PCDHGA8: variants seen among roughly 807,000 people sequenced by gnomAD.
PCDHGA8 encodes the protein protocadherin gamma-A8.
PCDHGA8 carries 45 observed loss-of-function variants against 59.2 expected under a neutral mutation model. That is an observed-to-expected ratio of 0.76 (90% CI 0.60 to 0.98). The LOEUF (loss-of-function observed/expected upper bound fraction) is 0.98. PCDHGA8 is among the 50% of genes least tolerant of loss of function. The probability of loss-of-function intolerance (pLI) is 0.00; values close to 1 mark genes in which losing one functional copy is unlikely to be tolerated. For missense variants in PCDHGA8, 1,257 were observed against 1,196.2 expected (o/e 1.05, Z -0.75); for synonymous variants, 531 against 519.0 (o/e 1.02, Z -0.32).
At chr5:141,408,228 G>C (rs1233027944) in intron 1 of PCDHGA8, 2 of 1,564,122 alleles carry the variant, frequency 1.3e-6, no homozygotes, top group South Asian at 2.3e-5. Flanking sequence ...GCGCAGAGGC[G>C]CCGGGCCGGC....
chr5:141,446,920 C>T (rs2098520337), intron 1 of PCDHGA8, among the ~76,000 whole-genome samples: 1 of 152,108 alleles, frequency 6.6e-6, no homozygotes, highest in African/African-American at 2.4e-5. Flanking sequence ...TATTTATCTT[C>T]CTGATCTCTT....
chr5:141,421,348 G>C lies in PCDHGA8; in HGVS notation c.2424+26111G>C, dbSNP rs202220769. On this transcript the variant is annotated intron_variant, in intron 1 of 3. Coordinates refer to ENST00000398604, the MANE Select transcript of PCDHGA8 (RefSeq NM_032088.2). ...CCGATATTCGGTGCCAGAAGAGACC[G>C]AAAAGGGCTCCTTCGTGGGCAATAT... 9.1e-5 allele frequency: 147 copies of C among 1,613,862 alleles called. No individual in the cohort carries two copies. Among genetic ancestry groups the C allele is most frequent in the Non-Finnish European group, 1.1e-4 (125 of 1,179,904 alleles).
At position 141,486,478 on chromosome 5, in the gene PCDHGA8, C is replaced by T; in HGVS notation, c.2425-8329C>T. The T allele has an allele frequency of 2.5e-6, 4 of 1,614,026 alleles. No homozygotes were observed. The highest frequency in any genetic ancestry group is 3.4e-6 in the Non-Finnish European group (4 of 1,179,854). On this transcript the variant is annotated intron_variant, in intron 1 of 3. Transcript: ENST00000398604. The surrounding 1 kb of genome is among the most constrained non-coding windows in gnomAD (Gnocchi z 5.0). ...CTTCTGATGCTGGGAACCCTCCTCT[C>T]AGTACCCACAGAACTATTTTCCTCA...
intron 1 of PCDHGA8, chr5:141,441,872 G>T: frequency 2.9e-6 from 1 of 341,646 alleles, no homozygotes. Flanking sequence ...GCGGAGCCTG[G>T]CTACCTGGTC....
At chr5:141,414,198 A>G (rs1561747621) in intron 1 of PCDHGA8, 2 of 1,611,542 alleles carry the variant, frequency 1.2e-6, no homozygotes, top group Non-Finnish European at 1.7e-6. Flanking sequence ...TGATTACAGT[A>G]GAAGATGTAA....
At chr5:141,507,797 C>T (rs933921827) in intron 3 of PCDHGA8, among the ~76,000 whole-genome samples, 3 of 152,240 alleles carry the variant, frequency 2.0e-5, no homozygotes, top group Non-Finnish European at 2.9e-5. Flanking sequence ...TCTAAGCCTG[C>T]GCCCTGGGGA....
At chr5:141,414,622 C>T in intron 1 of PCDHGA8, 1 of 1,613,956 alleles carries the variant, frequency 6.2e-7, no homozygotes. Context: ...AGCGCTGGAC[C>T]CGGACAGCAA....
At chr5:141,478,428 C>G in intron 1 of PCDHGA8, 1 of 1,613,746 alleles carries the variant, frequency 6.2e-7, no homozygotes. Flanking sequence ...CGCAGCGACC[C>G]GCTGCTGAAG....
Position 141,431,352 on chromosome 5 carries a change from G to C in PCDHGA8, c.2424+36115G>C. Reference sequence around the variant, plus strand: ...AAGTACCCCGAATTGGTGCTGAAACGCGCCCTGGACCGCGAAGAAAAGGCT... The same window carrying C: ...AAGTACCCCGAATTGGTGCTGAAACCCGCCCTGGACCGCGAAGAAAAGGCT... On this transcript the variant is annotated intron_variant, in intron 1 of 3. Coordinates refer to ENST00000398604, the MANE Select transcript of PCDHGA8 (RefSeq NM_032088.2). This position sits in a 1 kb window ranked among gnomAD's most constrained non-coding sequence, Gnocchi z 4.8. The C allele has an allele frequency of 6.2e-7, 1 of 1,614,044 alleles. No individual in the cohort carries two copies. The highest frequency in any genetic ancestry group is 8.5e-7 in the Non-Finnish European group (1 of 1,180,032).
chr5:141,409,014 AG>A, intron 1 of PCDHGA8: 1 of 1,614,014 alleles, frequency 6.2e-7, no homozygotes, highest in Non-Finnish European at 8.5e-7. Context: ...GACCAGGATG[AG>A]GGGGTCAATG....
At chr5:141,409,067 A>G (rs2095219315) in intron 1 of PCDHGA8, 2 of 1,614,034 alleles carry the variant, frequency 1.2e-6, no homozygotes, top group South Asian at 2.2e-5. Context: ...CCAGAGCACA[A>G]AACATATGTT....
chr5:141,406,096 G>A (rs966441415), intron 1 of PCDHGA8, among the ~76,000 whole-genome samples: 1 of 150,800 alleles, frequency 6.6e-6, no homozygotes, highest in Non-Finnish European at 1.5e-5. Context: ...TTAAGAGATG[G>A]GGGTGTCATT....
chr5:141,408,290 A>T (rs767669019), intron 1 of PCDHGA8: 80 of 1,613,008 alleles, frequency 5.0e-5, no homozygotes, highest in Non-Finnish European at 6.1e-5. Context: ...CCCCACCCTG[A>T]GTGAGCCGAT....
intron 1 of PCDHGA8, among the ~76,000 whole-genome samples, chr5:141,484,288 C>T (rs1300726429): frequency 6.6e-6 from 1 of 152,176 alleles, no homozygotes; most frequent in African/African-American, 2.4e-5. Context: ...AAACATCTCC[C>T]TCTCCTGGCT....
At position 141,414,686 on chromosome 5, in the gene PCDHGA8, C is replaced by A. The variant is rs201724090; in HGVS notation, c.2424+19449C>A. On this transcript the variant is annotated intron_variant, in intron 1 of 3. Coordinates refer to ENST00000398604, the MANE Select transcript of PCDHGA8 (RefSeq NM_032088.2). ...GCTGAAGACACCATCCAGGGGGTAC[C>A]TCTGTCCTCATACATATCCATCAAC... 57 of 1,613,924 alleles carry A rather than the reference C, an allele frequency of 3.5e-5. No homozygotes were observed. The highest frequency in any genetic ancestry group is 1.6e-4 in the Middle Eastern group (1 of 6,084).
chr5:141,414,958 G>T, intron 1 of PCDHGA8: 2 of 1,614,024 alleles, frequency 1.2e-6, no homozygotes, highest in East Asian at 2.2e-5. Context: ...GGTGACCAAG[G>T]TGGTGGCGGT....
intron 1 of PCDHGA8, chr5:141,419,411 C>A (rs757881409): frequency 1.9e-6 from 3 of 1,613,462 alleles, no homozygotes; most frequent in Non-Finnish European, 2.5e-6. Context: ...GTTCGCGCAG[C>A]GCGCCTTCGA....
intron 1 of PCDHGA8, chr5:141,426,302 A>G (rs1590676929): frequency 1.2e-5 from 2 of 172,322 alleles, no homozygotes; most frequent in East Asian, 1.4e-4. Context: ...AACAGGGTGA[A>G]GCAGAGAAGC....
At chr5:141,400,064 G>A in intron 1 of PCDHGA8, 1 of 1,613,770 alleles carries the variant, frequency 6.2e-7, no homozygotes, top group Non-Finnish European at 8.5e-7. Context: ...CGTGATGGTG[G>A]ACAGCCGCCA....
Sources: gnomAD v4.1 joint callset for allele counts (sites outside exome capture counted in the v4.1 genomes callset) on GRCh38, gnomAD v4.1.1 for gene constraint, Gnocchi (gnomAD v3.1) non-coding constraint, MANE v1.5 for transcripts, NCBI Gene and HGNC (gene_info 2026-07-23, HGNC 2026-07-21) for gene names.